Variants in RELCH observed in about 807,000 individuals in gnomAD.
RELCH encodes the protein RAB11-binding protein RELCH.
A neutral mutation model predicts 150.3 loss-of-function variants in RELCH; 41 were observed. The observed-to-expected ratio is 0.27, with a 90% CI of 0.21 to 0.35. The LOEUF (loss-of-function observed/expected upper bound fraction) is 0.35. Among genes scored for constraint, RELCH ranks in the 10% least tolerant of loss-of-function variants. The pLI is 1.00. For missense variants in RELCH, 1,092 were observed against 1,467.8 expected, an observed-to-expected ratio of 0.74 and a Z score of 4.18; for synonymous variants, 478 against 531.8, an observed-to-expected ratio of 0.90 and a Z score of 1.39.
At chr18:62,303,054 A>C (rs1399409920) in intron 28 of RELCH, among the ~76,000 whole-genome samples, 1 of 152,020 alleles carries the variant, frequency 6.6e-6, no homozygotes, top group Non-Finnish European at 1.5e-5. Context: ...CTCTAAAACA[A>C]GTCTTTATCA....
intron 5 of RELCH, 42 bp from the exon 6 acceptor site, chr18:62,227,247 A>C: frequency 7.5e-7 from 1 of 1,330,366 alleles, no homozygotes; most frequent in South Asian, 1.3e-5. Flanking sequence ...TGTAAGATAA[A>C]ATTTCCTCGA....
At chr18:62,302,596 C>T (rs536435392) in intron 28 of RELCH, among the ~76,000 whole-genome samples, 1 of 152,308 alleles carries the variant, frequency 6.6e-6, no homozygotes, top group Admixed American at 6.5e-5. Context: ...TCTCGGCTCA[C>T]TGCAACCTCC....
At chr18:62,240,701 T>A (rs2042107183) in intron 10 of RELCH, among the ~76,000 whole-genome samples, 1 of 152,166 alleles carries the variant, frequency 6.6e-6, no homozygotes. Context: ...TATACTGATT[T>A]TTCTCTTTAA....
chr18:62,294,633 T>G (rs139336590), intron 27 of RELCH, among the ~76,000 whole-genome samples: 25 of 152,354 alleles, frequency 1.6e-4, no homozygotes, highest in African/African-American at 5.5e-4. Context: ...TTATGACATG[T>G]CTTTTCATAT....
chr18:62,288,850 T>C (rs1010292924), intron 26 of RELCH, among the ~76,000 whole-genome samples: 71 of 152,140 alleles, frequency 4.7e-4, no homozygotes, highest in African/African-American at 1.6e-3. Context: ...GGAGAAGTGA[T>C]AGGACCCTTG....
intron 27 of RELCH, 83 bp from the exon 28 acceptor site, chr18:62,298,705 GAA>G: frequency 1.5e-6 from 1 of 682,352 alleles, no homozygotes; most frequent in Non-Finnish European, 2.5e-6. Flanking sequence ...TAGCTTATAG[GAA>G]TATTAAAAAT....
At chr18:62,245,013 C>A in intron 11 of RELCH, 137 bp downstream of exon 11, 1 of 606,118 alleles carries the variant, frequency 1.6e-6, no homozygotes. Flanking sequence ...TGGAGCATTC[C>A]CCCATCATGG....
At chr18:62,257,101 C>CGTAGT (rs2043026136) in intron 13 of RELCH, among the ~76,000 whole-genome samples, 1 of 151,772 alleles carries the variant, frequency 6.6e-6, no homozygotes, top group Non-Finnish European at 1.5e-5. Flanking sequence ...TTTATTTTAT[C>CGTAGT]GTAGTTATTG....
rs2041343196 is a variant in RELCH, at chr18:62,228,340, T to A, written c.1190T>A (p.Ile397Asn). Residue 397 changes from isoleucine to asparagine, a missense_variant, in exon 8 of 29, where the codon ATC (isoleucine) becomes AAC (asparagine). By Grantham distance (149) the Ile-to-Asn change is moderately radical. Around this residue, in one of 4 missense-constraint regions of RELCH, gnomAD observed 707 missense variants for 1,025.4 expected, o/e 0.69. Transcript: ENST00000644646. ...MDFLKNEHFA[I>N]PAVCDSVQPP... ...TTCCTCAAAAATGAACACTTTGCCATCCCAGCAGTTTGTGACTCTGTTCAG... is the reference window on the plus strand; with the variant it reads ...TTCCTCAAAAATGAACACTTTGCCAACCCAGCAGTTTGTGACTCTGTTCAG... The A allele has an allele frequency of 6.2e-7, 1 of 1,612,818 alleles. No individual in the cohort carries two copies. Among genetic ancestry groups the A allele is most frequent in the Non-Finnish European group, 8.5e-7 (1 of 1,179,396 alleles).
chr18:62,289,192 A>G (rs1021686239), intron 26 of RELCH, among the ~76,000 whole-genome samples: 3 of 152,294 alleles, frequency 2.0e-5, no homozygotes, highest in South Asian at 4.1e-4. Context: ...CGACATACCA[A>G]TATGGTAAGG....
intron 5 of RELCH, among the ~76,000 whole-genome samples, chr18:62,226,666 A>C (rs2041236444): frequency 6.6e-6 from 1 of 152,124 alleles, no homozygotes; most frequent in Non-Finnish European, 1.5e-5. Flanking sequence ...GCTTAAAGTT[A>C]ATATAAAACA....
intron 1 of RELCH, among the ~76,000 whole-genome samples, chr18:62,200,062 T>A (rs2039326284): frequency 6.6e-6 from 1 of 152,190 alleles, no homozygotes; most frequent in Admixed American, 6.5e-5. Flanking sequence ...TTTAAGTGAC[T>A]AGCTTGTCAA....
At chr18:62,261,078 G>A (rs563071562) in intron 15 of RELCH, among the ~76,000 whole-genome samples, 2 of 152,054 alleles carry the variant, frequency 1.3e-5, no homozygotes, top group East Asian at 1.9e-4. Context: ...ATACACGTTC[G>A]AGGTGATGCA....
intron 15 of RELCH, 116 bp downstream of exon 15, chr18:62,258,792 A>G (rs1192440772): frequency 3.3e-6 from 2 of 605,164 alleles, no homozygotes; most frequent in Non-Finnish European, 2.7e-6. Context: ...ACATACTAAT[A>G]CATTACCAGT....
At position 62,306,524 on chromosome 18, in the gene RELCH, AC is replaced by A. The variant is rs1159052608; in HGVS notation, c.*991del. The A allele has an allele frequency of 6.6e-6, 1 of 152,340 alleles. No homozygotes were observed. The highest frequency in any genetic ancestry group is 1.5e-5 in the Non-Finnish European group (1 of 67,998). 9.4% of individuals were successfully genotyped at this position (152,340 alleles called of 1,614,324 possible). A position where few individuals can be genotyped will look rare whatever the true frequency, so the allele number is the denominator to read the frequency against. On this transcript the variant is annotated 3_prime_UTR_variant, in exon 29 of 29. Transcript: ENST00000644646. ...GAAAAGTTAAGGACACTTGGGGGCT[AC>A]TTTTTTCCCTCTAAACTAAAAAAGA...
At chr18:62,292,613 G>A (rs17646954) in intron 27 of RELCH, among the ~76,000 whole-genome samples, 11,882 of 152,168 alleles carry the variant, frequency 0.078, 576 homozygotes, top group South Asian at 0.18. Flanking sequence ...ATGTCCTACA[G>A]GCATCATTTA....
intron 18 of RELCH, among the ~76,000 whole-genome samples, chr18:62,265,467 A>C (rs2043504260): frequency 6.6e-6 from 1 of 152,070 alleles, no homozygotes; most frequent in South Asian, 2.1e-4. Context: ...TGTCTTCATA[A>C]CATTTTGTTA....
In RELCH at chr18:62,279,715, G is replaced by T. The variant is rs574831385; in HGVS notation, c.2968-59G>T. 69 of 1,099,520 alleles carry T rather than the reference G, an allele frequency of 6.3e-5. No individual in the cohort carries two copies. In the South Asian group the frequency reaches 8.7e-4, roughly 14 times the overall value. The allele number at this position is 1,099,520 out of a possible 1,614,324, so 68.1% of individuals were successfully genotyped here. ...GTTGTTCCTTCCTTCTTCCCGTGGC[G>T]CACTGTGTTTGCTCTTTCCGTGCAT... On this transcript the variant is annotated intron_variant, in intron 22 of 28. Transcript: ENST00000644646.
chr18:62,304,819 G>A (rs1020145025), intron 28 of RELCH, among the ~76,000 whole-genome samples: 2 of 152,170 alleles, frequency 1.3e-5, no homozygotes, highest in Non-Finnish European at 2.9e-5. Context: ...ACTCGAAACT[G>A]TTGATTGAAA....
Sources: allele counts gnomAD v4.1 joint callset (sites outside exome capture counted in the v4.1 genomes callset), GRCh38; gene constraint gnomAD v4.1.1; regional missense constraint gnomAD v4.1.1; transcripts MANE v1.5; gene names NCBI Gene and HGNC (gene_info 2026-07-23, HGNC 2026-07-21).